The following PTPRM variants were observed in gnomAD, a reference collection of about 807,000 sequenced individuals.
PTPRM encodes receptor-type tyrosine-protein phosphatase mu.
In PTPRM, 47 loss-of-function variants were observed where a neutral mutation model predicts 186.7. The observed-to-expected ratio is 0.25, with a 90% CI of 0.20 to 0.32. PTPRM has a LOEUF of 0.32. Ranked by LOEUF, PTPRM falls within the 10% of genes least tolerant of loss-of-function variation. The pLI is 1.00. For missense variants in PTPRM, 1,494 were observed against 1,865.0 expected, an observed-to-expected ratio of 0.80 and a Z score of 3.66; for synonymous variants, 668 against 674.9, an observed-to-expected ratio of 0.99 and a Z score of 0.16.
chr18:7,647,719 A>C (rs1568003559), intron 1 of PTPRM, among the ~76,000 whole-genome samples: 1 of 152,166 alleles, frequency 6.6e-6, no homozygotes, highest in Non-Finnish European at 1.5e-5. Context: ...CCTTGACTTC[A>C]GGGGTTGTTG....
chr18:8,012,109 C>T (rs1470294474), intron 7 of PTPRM, among the ~76,000 whole-genome samples: 1 of 152,186 alleles, frequency 6.6e-6, no homozygotes, highest in East Asian at 1.9e-4. Flanking sequence ...GGAGAGACGC[C>T]ACTGGGGGGC....
At chr18:7,574,515 C>T (rs917124703) in intron 1 of PTPRM, among the ~76,000 whole-genome samples, 28 of 152,216 alleles carry the variant, frequency 1.8e-4, no homozygotes, top group Non-Finnish European at 1.5e-4. Context: ...TACATTTGTA[C>T]GGCCCCTTTG....
intron 5 of PTPRM, among the ~76,000 whole-genome samples, chr18:7,940,858 A>G (rs537654431): frequency 3.3e-5 from 5 of 152,138 alleles, no homozygotes; most frequent in South Asian, 2.1e-4. Flanking sequence ...CTTAAAGTCA[A>G]TATTCCTAGG....
chr18:7,910,164 TA>T (rs1399455478), intron 4 of PTPRM, among the ~76,000 whole-genome samples: 1 of 152,244 alleles, frequency 6.6e-6, no homozygotes, highest in African/African-American at 2.4e-5. Flanking sequence ...TATCCATGTT[TA>T]AAGTGTACAA....
intron 2 of PTPRM, among the ~76,000 whole-genome samples, chr18:7,813,263 A>C (rs2044627341): frequency 6.6e-6 from 1 of 152,214 alleles, no homozygotes; most frequent in Non-Finnish European, 1.5e-5. Flanking sequence ...TTGTGATCTC[A>C]GTGCAGTAGA....
intron 14 of PTPRM, among the ~76,000 whole-genome samples, chr18:8,204,004 G>T (rs1477533592): frequency 2.0e-5 from 3 of 152,122 alleles, no homozygotes; most frequent in Non-Finnish European, 2.9e-5. Context: ...TTCCATATGT[G>T]CAGGATTCAC....
chr18:7,980,647 G>A (rs1568120927), intron 7 of PTPRM, among the ~76,000 whole-genome samples: 1 of 152,166 alleles, frequency 6.6e-6, no homozygotes, highest in South Asian at 2.1e-4. Flanking sequence ...GCCTCTGAAA[G>A]CACTGGGATC....
chr18:8,138,898 G>A (rs1353395759), intron 13 of PTPRM, among the ~76,000 whole-genome samples: 3 of 152,134 alleles, frequency 2.0e-5, no homozygotes, highest in South Asian at 2.1e-4. Context: ...TGCTCCGTGC[G>A]GATGCTCCCT....
chr18:7,783,011 TG>T (rs1311714086), intron 2 of PTPRM, among the ~76,000 whole-genome samples: 3 of 152,244 alleles, frequency 2.0e-5, no homozygotes, highest in Non-Finnish European at 4.4e-5. Context: ...CAAATTAGCC[TG>T]TGTTTATAAA....
At chr18:7,876,144 G>A (rs2048233169) in intron 2 of PTPRM, among the ~76,000 whole-genome samples, 1 of 152,024 alleles carries the variant, frequency 6.6e-6, no homozygotes, top group Non-Finnish European at 1.5e-5. Context: ...GTGTGCATGT[G>A]TGTGTGTGAG....
chr18:7,889,333 C>CTTTTTTTTTT (rs770886704), intron 3 of PTPRM, among the ~76,000 whole-genome samples: 23 of 119,846 alleles, frequency 1.9e-4, no homozygotes, highest in Non-Finnish European at 3.5e-4. Context: ...TCTTTTCTTT[C>CTTTTTTTTTT]TTTTTTTTTT....
chr18:7,801,280 T>A (rs1218226974), intron 2 of PTPRM, among the ~76,000 whole-genome samples: 1 of 152,216 alleles, frequency 6.6e-6, no homozygotes, highest in Non-Finnish European at 1.5e-5. Context: ...TAAGCCTTTT[T>A]CAATTTTTAA....
At chr18:8,094,406 T>C (rs571169561) in intron 11 of PTPRM, among the ~76,000 whole-genome samples, 2 of 152,042 alleles carry the variant, frequency 1.3e-5, no homozygotes, top group South Asian at 4.1e-4. Context: ...ATATAAATTT[T>C]AAAGTGGCTT....
chr18:7,567,736 T>C lies in PTPRM; in HGVS notation c.-83T>C. ...TGTTTACCCGTCTCTCCTCGCTGCC[T>C]CGGAACCAAAGCTCCCGGCCCCCTC... On this transcript the variant is annotated 5_prime_UTR_variant, in exon 1 of 33. Transcript: ENST00000580170. This position sits in a 1 kb window ranked among gnomAD's most constrained non-coding sequence, Gnocchi z 4.3. 1 of 1,295,880 alleles carries C rather than the reference T, an allele frequency of 7.7e-7. No individual in the cohort carries two copies. The highest frequency in any genetic ancestry group is 2.8e-5 in the East Asian group (1 of 35,128). 80.3% of individuals were successfully genotyped at this position (1,295,880 alleles called of 1,614,324 possible). A position where few individuals can be genotyped will look rare whatever the true frequency, so the allele number is the denominator to read the frequency against.
At chr18:8,198,665 A>G (rs1267798978) in intron 14 of PTPRM, among the ~76,000 whole-genome samples, 1 of 152,106 alleles carries the variant, frequency 6.6e-6, no homozygotes, top group Non-Finnish European at 1.5e-5. Flanking sequence ...AAAGGGCTAC[A>G]TCTGTCTTTC....
chr18:7,950,309 T>TG (rs2052852648), intron 6 of PTPRM, among the ~76,000 whole-genome samples: 1 of 152,060 alleles, frequency 6.6e-6, no homozygotes, highest in Non-Finnish European at 1.5e-5. Flanking sequence ...GAGGCTGAGG[T>TG]GGGAGGATTA....
chr18:8,071,768 A>C (rs1343406267), intron 8 of PTPRM, among the ~76,000 whole-genome samples: 1 of 152,128 alleles, frequency 6.6e-6, no homozygotes, highest in Non-Finnish European at 1.5e-5. Context: ...CTACCAGCTG[A>C]AGCTCTCCTC....
intron 3 of PTPRM, among the ~76,000 whole-genome samples, chr18:7,894,162 C>G (rs1285027764): frequency 6.6e-6 from 1 of 152,186 alleles, no homozygotes; most frequent in Non-Finnish European, 1.5e-5. Context: ...CTCAGAAATA[C>G]AAGTCATGCA....
At chr18:8,206,278 G>C (rs1048277320) in intron 14 of PTPRM, among the ~76,000 whole-genome samples, 2 of 74,390 alleles carry the variant, frequency 2.7e-5, no homozygotes, top group African/African-American at 1.2e-4. Context: ...ATTTTGAGAC[G>C]GAGTCTTGCA....
Sources: gnomAD v4.1 joint callset for allele counts (sites outside exome capture counted in the v4.1 genomes callset) on GRCh38, gnomAD v4.1.1 for gene constraint, Gnocchi (gnomAD v3.1) non-coding constraint, MANE v1.5 for transcripts, NCBI Gene and HGNC (gene_info 2026-07-23, HGNC 2026-07-21) for gene names.